Variants in ZNRF2 observed in about 807,000 individuals in gnomAD.
ZNRF2 encodes E3 ubiquitin-protein ligase ZNRF2.
Under a neutral mutation model 20.4 loss-of-function variants are expected in ZNRF2, and 16 were observed. That is an observed-to-expected ratio of 0.79 (90% CI 0.53 to 1.19). The LOEUF (loss-of-function observed/expected upper bound fraction) is 1.19, where lower values mean the gene tolerates loss of function less well. Ranked by LOEUF, ZNRF2 falls within the 50% of genes most tolerant of loss-of-function variation. The pLI, the probability that ZNRF2 is intolerant of heterozygous loss-of-function variation, is 0.00. For missense variants in ZNRF2, 363 were observed against 332.4 expected (o/e 1.09, Z -0.72); for synonymous variants, 178 against 144.9 (o/e 1.23, Z -1.64).
chr7:30,354,943 A>G (rs193002746), intron 2 of ZNRF2, among the ~76,000 whole-genome samples: 1 of 152,316 alleles, frequency 6.6e-6, no homozygotes, highest in East Asian at 1.9e-4. Flanking sequence ...TATAATTTAA[A>G]TTTTCAGTAT....
chr7:30,295,044 AGAGAGAGTGTGTGTGTGTGT>A (rs1471368726), intron 1 of ZNRF2, among the ~76,000 whole-genome samples: 49 of 111,842 alleles, frequency 4.4e-4, no homozygotes, highest in African/African-American at 1.4e-3. Context: ...AGAGAGAGAG[AGAGAGAGTGTGTGTGTGTGT>A]GTGTGTGTGT....
chr7:30,298,407 T>TA (rs778829993), intron 1 of ZNRF2, among the ~76,000 whole-genome samples: 2 of 152,230 alleles, frequency 1.3e-5, no homozygotes, highest in Non-Finnish European at 2.9e-5. Context: ...TGGGGGGCAC[T>TA]AAAAAGCAAA....
At chr7:30,340,219 CCT>C (rs1402793527) in intron 2 of ZNRF2, among the ~76,000 whole-genome samples, 1 of 152,086 alleles carries the variant, frequency 6.6e-6, no homozygotes, top group Non-Finnish European at 1.5e-5. Flanking sequence ...TTCCTCTCTC[CCT>C]GTTTGAATAC....
chr7:30,339,855 A>G (rs961878843), intron 2 of ZNRF2, among the ~76,000 whole-genome samples: 2 of 152,232 alleles, frequency 1.3e-5, no homozygotes, highest in Admixed American at 6.5e-5. Context: ...TACTTTGGGT[A>G]GTATGACCAT....
intron 2 of ZNRF2, among the ~76,000 whole-genome samples, chr7:30,333,523 C>T (rs980554333): frequency 6.6e-6 from 1 of 151,944 alleles, no homozygotes; most frequent in Admixed American, 6.6e-5. Flanking sequence ...GTGCCCACCA[C>T]TACGCCTGGC....
intron 1 of ZNRF2, among the ~76,000 whole-genome samples, chr7:30,287,717 C>A: frequency 6.6e-6 from 1 of 151,678 alleles, no homozygotes. Context: ...AGTACAGTGA[C>A]ACTTTCTGAG....
At chr7:30,335,798 G>A (rs1309444505) in intron 2 of ZNRF2, among the ~76,000 whole-genome samples, 2 of 152,144 alleles carry the variant, frequency 1.3e-5, no homozygotes, top group Non-Finnish European at 2.9e-5. Flanking sequence ...ATATTAGTAT[G>A]CAAAAGTATT....
rs149942476 is a variant in ZNRF2 at position 30,302,042 on chromosome 7, G to A, written c.469+16216G>A. 6.0e-3 allele frequency among the ~76,000 whole-genome samples: 915 copies of A among 152,316 alleles called. 7 individuals are homozygous for A. The highest frequency in any genetic ancestry group is 0.014 in the Middle Eastern group (4 of 294). On this transcript the variant is annotated intron_variant, in intron 1 of 4. Coordinates refer to ENST00000323037, the MANE Select transcript of ZNRF2 (RefSeq NM_147128.4). ...TAGAGGAATTTGAGAACACTGATAC[G>A]CTTACTTCACAGAAAACTGAAGTCT...
At chr7:30,360,553 G>C (rs42585) in intron 3 of ZNRF2, among the ~76,000 whole-genome samples, 11,949 of 151,906 alleles carry the variant, frequency 0.079, 660 homozygotes, top group African/African-American at 0.15. Context: ...AGCTGGGTTT[G>C]TGGCAGGTGG....
intron 2 of ZNRF2, among the ~76,000 whole-genome samples, chr7:30,345,288 T>G (rs904310867): frequency 8.5e-5 from 13 of 152,126 alleles, no homozygotes; most frequent in African/African-American, 3.1e-4. Flanking sequence ...TGATTTCTTC[T>G]AGTGCTTCTT....
chr7:30,351,687 T>C (rs1799963656), intron 2 of ZNRF2, among the ~76,000 whole-genome samples: 1 of 152,054 alleles, frequency 6.6e-6, no homozygotes, highest in Non-Finnish European at 1.5e-5. Context: ...AGTAGTTTAG[T>C]AACTTCTGGT....
At chr7:30,353,370 T>C (rs1799987622) in intron 2 of ZNRF2, among the ~76,000 whole-genome samples, 1 of 152,124 alleles carries the variant, frequency 6.6e-6, no homozygotes, top group Non-Finnish European at 1.5e-5. Context: ...ATACTTTTCT[T>C]GAACAGAAAA....
intron 1 of ZNRF2, among the ~76,000 whole-genome samples, chr7:30,286,490 T>C (rs1181135539): frequency 6.6e-6 from 1 of 152,164 alleles, no homozygotes; most frequent in Non-Finnish European, 1.5e-5. Flanking sequence ...GAAGTAAAAA[T>C]TTTGCACATC....
intron 3 of ZNRF2, among the ~76,000 whole-genome samples, chr7:30,356,742 G>A (rs763576391): frequency 5.7e-4 from 63 of 109,656 alleles, no homozygotes; most frequent in Non-Finnish European, 8.8e-4. Flanking sequence ...GTCTCGCTCT[G>A]TTGCCCAGGC....
chr7:30,357,483 G>A (rs1800059108), intron 3 of ZNRF2, among the ~76,000 whole-genome samples: 1 of 152,158 alleles, frequency 6.6e-6, no homozygotes, highest in Non-Finnish European at 1.5e-5. Flanking sequence ...CAAGGTTCAT[G>A]TTACAGTAGA....
chr7:30,325,181 AG>A (rs1240324847), intron 2 of ZNRF2, among the ~76,000 whole-genome samples: 1 of 152,226 alleles, frequency 6.6e-6, no homozygotes, highest in East Asian at 1.9e-4. Context: ...AATAAAATGA[AG>A]GAAAAATGAA....
At chr7:30,359,818 T>C (rs2127957533) in intron 3 of ZNRF2, among the ~76,000 whole-genome samples, 2 of 152,326 alleles carry the variant, frequency 1.3e-5, no homozygotes, top group South Asian at 4.1e-4. Context: ...TTTGTTCTGG[T>C]GATAAAACTG....
rs563443902 is a variant in ZNRF2 at position 30,355,759 on chromosome 7, T to C, written c.597T>C (p.Cys199=). 1.9e-6 allele frequency: 3 copies of C among 1,613,654 alleles called. No individual in the cohort carries two copies. The highest frequency in any genetic ancestry group is 2.2e-5 in the South Asian group (2 of 91,030). The change falls in exon 3 of 5, where the codon TGT becomes TGC. Residue 199 remains cysteine, a synonymous_variant. Coordinates refer to ENST00000323037, the MANE Select transcript of ZNRF2 (RefSeq NM_147128.4). Reference sequence around the variant, plus strand: ...TACTGAGTAAAGATGCTGGGGAATGTGCAATATGCCTTGAAGAATTGCAGC... The same window carrying C: ...TACTGAGTAAAGATGCTGGGGAATGCGCAATATGCCTTGAAGAATTGCAGC... ...EDVLSKDAGE[C]AICLEELQQG...
chr7:30,326,917 G>T (rs550001548), intron 2 of ZNRF2, among the ~76,000 whole-genome samples: 68 of 151,574 alleles, frequency 4.5e-4, no homozygotes, highest in Non-Finnish European at 8.4e-4. Context: ...TATGATTCTT[G>T]GCCACATTTA....
Sources: gnomAD v4.1 joint callset for allele counts (sites outside exome capture counted in the v4.1 genomes callset) on GRCh38, gnomAD v4.1.1 for gene constraint, MANE v1.5 for transcripts, NCBI Gene and HGNC (gene_info 2026-07-23, HGNC 2026-07-21) for gene names.